FGFR3: variants seen among roughly 807,000 people sequenced by gnomAD.
The protein encoded by FGFR3 is FGFR-3.
Under a neutral mutation model 82.9 loss-of-function variants are expected in FGFR3, and 25 were observed. The observed-to-expected ratio is 0.30, with a 90% CI of 0.22 to 0.42. The LOEUF is 0.42. Ranked by LOEUF, FGFR3 falls within the 10% of genes least tolerant of loss-of-function variation. The pLI, the probability that FGFR3 is intolerant of heterozygous loss-of-function variation, is 1.00. For synonymous variants in FGFR3, 620 were observed against 516.0 expected, an observed-to-expected ratio of 1.20 and a Z score of -2.73; for missense variants, 1,026 against 1,161.0, an observed-to-expected ratio of 0.88 and a Z score of 1.69.
rs1309470678 is a variant in FGFR3 at position 1,808,126 on chromosome 4, CT to C, written c.*865del. ...TATTTGTAAAGCTATTTATGGGCCCCTGGCACTCTTGTTCCCACACCCCAAC... is the reference window on the plus strand; with the variant it reads ...TATTTGTAAAGCTATTTATGGGCCCCGGCACTCTTGTTCCCACACCCCAAC... On this transcript the variant is annotated 3_prime_UTR_variant, in exon 18 of 18. Coordinates refer to ENST00000440486, the MANE Select transcript of FGFR3 (RefSeq NM_000142.5). 4.3e-6 allele frequency: 1 copy of C among 232,816 alleles called. No homozygotes were observed. The highest frequency in any genetic ancestry group is 8.5e-6 in the Non-Finnish European group (1 of 117,870). The allele number at this position is 232,816 out of a possible 1,614,324, so 14.4% of individuals were successfully genotyped here.
rs886038256 is a variant in FGFR3 at position 1,801,606 on chromosome 4, G to T, written c.616-14G>T. On this transcript the variant is annotated splice_polypyrimidine_tract_variant and intron_variant, in intron 5 of 17. Transcript: ENST00000440486. Reference sequence around the variant, plus strand: ...GCTGCCTCCGCTCACTCACCCGCCCGCGTCCCGGTGCAGCTGCGGCATCAG... The same window carrying T: ...GCTGCCTCCGCTCACTCACCCGCCCTCGTCCCGGTGCAGCTGCGGCATCAG... 6.2e-5 allele frequency: 99 copies of T among 1,603,430 alleles called. No homozygotes were observed. Among genetic ancestry groups the T allele is most frequent in the Non-Finnish European group, 8.2e-5 (96 of 1,176,226 alleles).
Position 1,807,483 on chromosome 4 carries a change from C to G in FGFR3, c.*221C>G, listed in dbSNP as rs756103476. The G allele has an allele frequency of 2.7e-5, 20 of 746,806 alleles. No individual in the cohort carries two copies. The highest frequency in any genetic ancestry group is 3.8e-5 in the Non-Finnish European group (16 of 426,200). The allele number at this position is 746,806 out of a possible 1,614,324, so 46.3% of individuals were successfully genotyped here. A position where few individuals can be genotyped will look rare whatever the true frequency, so the allele number is the denominator to read the frequency against. ...CCAGGTGCAGAGGTACCCTGGGTGT[C>G]CCCGCTGCTGTGCAACGGTCTCCTG... On this transcript the variant is annotated 3_prime_UTR_variant, in exon 18 of 18. Coordinates refer to ENST00000440486, the MANE Select transcript of FGFR3 (RefSeq NM_000142.5).
chr4:1,805,615 A>G lies in FGFR3; in HGVS notation c.1591A>G (p.Met531Val), dbSNP rs1227606873. The change falls in exon 12 of 18, where the codon ATG becomes GTG. Residue 531 changes from methionine (M) to valine (V), a missense_variant. Coordinates refer to ENST00000440486, the MANE Select transcript of FGFR3 (RefSeq NM_000142.5). ...GGTGTCTGAGATGGAGATGATGAAG[A>G]TGATCGGGAAACACAAAAACATCAT... ...DLVSEMEMMK[M>V]IGKHKNIINL... 1.9e-6 allele frequency: 3 copies of G among 1,613,336 alleles called. No individual in the cohort carries two copies. The highest frequency in any genetic ancestry group is 2.2e-5 in the South Asian group (2 of 91,084).
intron 9 of FGFR3, 65 bp downstream of exon 9, chr4:1,804,585 G>A (rs529524792): frequency 3.6e-4 from 570 of 1,588,692 alleles, no homozygotes; most frequent in Non-Finnish European, 4.5e-4. Context: ...GCCCCACCTC[G>A]GCCCACGCTG....
chr4:1,795,066 C>T (rs1339738799), intron 2 of FGFR3, among the ~76,000 whole-genome samples: 3 of 151,924 alleles, frequency 2.0e-5, no homozygotes, highest in African/African-American at 7.3e-5. Context: ...CCCGCCCGCG[C>T]CCCCGCGCCC....
At position 1,805,947 on chromosome 4, in the gene FGFR3, AG is replaced by A; in HGVS notation, c.1836+10del. 6.2e-7 allele frequency: 1 copy of A among 1,607,574 alleles called. No individual in the cohort carries two copies. The highest frequency in any genetic ancestry group is 8.5e-7 in the Non-Finnish European group (1 of 1,175,766). ...GTACTTGGCCTCCCAGAAGGTGGGC[AG>A]GGCGGCAGGTGTGGGTGGAGTAGGC... On this transcript the variant is annotated splice_region_variant and intron_variant, in intron 13 of 17. Transcript: ENST00000440486.
intron 3 of FGFR3, 46 bp downstream of exon 3, chr4:1,799,569 G>T (rs113949066): frequency 6.5e-6 from 10 of 1,549,704 alleles, no homozygotes; most frequent in African/African-American, 1.4e-5. Context: ...CCGAGTGCCG[G>T]GCTCCCTGAG....
Position 1,807,328 on chromosome 4 carries a change from A to G in FGFR3, c.*66A>G, listed in dbSNP as rs558185092. 6.5e-7 allele frequency: 1 copy of G among 1,539,164 alleles called. No homozygotes were observed. Among genetic ancestry groups the G allele is most frequent in the Non-Finnish European group, 8.7e-7 (1 of 1,145,884 alleles). On this transcript the variant is annotated 3_prime_UTR_variant, in exon 18 of 18. Transcript: ENST00000440486. The stretch of plus-strand genomic sequence containing the variant: ...CCCACCCTGCTGCTGGTGCACAGCC[A>G]CTCCCCGGCATGAGACTCAGTGCAG...
intron 2 of FGFR3, among the ~76,000 whole-genome samples, chr4:1,794,647 C>T (rs1720253316): frequency 6.6e-6 from 1 of 152,150 alleles, no homozygotes; most frequent in African/African-American, 2.4e-5. Context: ...GCGTCGCGGG[C>T]CCTAGACTGG....
chr4:1,799,907 C>CG, intron 4 of FGFR3, 95 bp downstream of exon 4: 1 of 1,395,694 alleles, frequency 7.2e-7, no homozygotes, highest in Non-Finnish European at 9.9e-7. Context: ...ACTAAGGCCC[C>CG]GGAACAACCT....
intron 2 of FGFR3, among the ~76,000 whole-genome samples, chr4:1,795,958 ACCCACCC>A (rs1720462018): frequency 6.6e-6 from 1 of 151,852 alleles, no homozygotes; most frequent in Non-Finnish European, 1.5e-5. Context: ...ACCCCTTGTT[ACCCACCC>A]CCCAGCTCCC....
Position 1,807,181 on chromosome 4 carries a change from C to T in FGFR3, c.2340C>T (p.Ser780=), listed in dbSNP as rs2108817674. The T allele has an allele frequency of 1.9e-6, 3 of 1,605,532 alleles. No individual in the cohort carries two copies. The highest frequency in any genetic ancestry group is 2.5e-6 in the Non-Finnish European group (3 of 1,176,752). Residue 780 remains serine, a synonymous_variant, in exon 18 of 18, where the codon TCC becomes TCT. Transcript: ENST00000440486. ...YSPGGQDTPS[S]SSSGDDSVFA... ...CGGGTGGCCAGGACACCCCCAGCTC[C>T]AGCTCCTCAGGGGACGACTCCGTGT...
chr4:1,802,807 G>C, intron 7 of FGFR3: 1 of 1,391,642 alleles, frequency 7.2e-7, no homozygotes, highest in Non-Finnish European at 9.4e-7. Context: ...CTTTGGGGCT[G>C]ACGCAGCCCA....
At chr4:1,805,015 T>G (rs750412538) in intron 10 of FGFR3, 46 bp downstream of exon 10, 67 of 1,514,158 alleles carry the variant, frequency 4.4e-5, no homozygotes, top group Non-Finnish European at 5.8e-5. Context: ...GGCTTGGTGG[T>G]GGGGGTGAAA....
In FGFR3 at chr4:1,806,041, C is replaced by T. The variant is rs989795238; in HGVS notation, c.1837-10C>T. The T allele has an allele frequency of 1.5e-5, 25 of 1,613,182 alleles. No individual in the cohort carries two copies. Among genetic ancestry groups the T allele is most frequent in the Non-Finnish European group, 1.7e-5 (20 of 1,179,928 alleles). On this transcript the variant is annotated splice_polypyrimidine_tract_variant and intron_variant, in intron 13 of 17. Coordinates refer to ENST00000440486, the MANE Select transcript of FGFR3 (RefSeq NM_000142.5). ...AGAGGCTTCAGCCCTGCCTCCCACC[C>T]CTTCCCCAGTGCATCCACAGGGACC...
At position 1,804,960 on chromosome 4, in the gene FGFR3, C is replaced by T. The variant is rs1721698075; in HGVS notation, c.1403C>T (p.Ser468Phe). ...CCTGCCGACCCCAAATGGGAGCTGTCTCGGGCCCGGTCAGTGGTGCTGAGG... is the reference window on the plus strand; with the variant it reads ...CCTGCCGACCCCAAATGGGAGCTGTTTCGGGCCCGGTCAGTGGTGCTGAGG... ...ELPADPKWEL[S>F]RARLTLGKPL... Residue 468 changes from serine to phenylalanine, a missense_variant, in exon 10 of 18, where the codon TCT becomes TTT. By Grantham distance (155) the Ser-to-Phe change is radical. Coordinates refer to ENST00000440486, the MANE Select transcript of FGFR3 (RefSeq NM_000142.5). 1.9e-6 allele frequency: 3 copies of T among 1,550,102 alleles called. No individual in the cohort carries two copies. In the East Asian group the frequency reaches 7.3e-5, roughly 38 times the overall value.
intron 7 of FGFR3, 145 bp from the exon 8 acceptor site, chr4:1,803,547 C>T (rs989060011): frequency 1.4e-5 from 19 of 1,394,758 alleles, no homozygotes; most frequent in Middle Eastern, 2.5e-4. Flanking sequence ...CCCTCAGCCG[C>T]GTGGCGGTGA....
intron 2 of FGFR3, among the ~76,000 whole-genome samples, chr4:1,796,306 C>T (rs1055899941): frequency 6.6e-6 from 1 of 152,136 alleles, no homozygotes; most frequent in African/African-American, 2.4e-5. Context: ...CCTGGCAAGC[C>T]CTCTTTAGCC....
chr4:1,804,481 C>T lies in FGFR3; in HGVS notation c.1227C>T (p.Pro409=), dbSNP rs533316478. Residue 409 remains proline (P), a synonymous_variant, in exon 9 of 18, where the codon CCC becomes CCT. Transcript: ENST00000440486. Reference sequence around the variant, plus strand: ...CCCCCAAGAAAGGCCTGGGCTCCCCCACCGTGCACAAGATCTCCCGCTTCC... The same window carrying T: ...CCCCCAAGAAAGGCCTGGGCTCCCCTACCGTGCACAAGATCTCCCGCTTCC... ...RSPPKKGLGS[P]TVHKISRFPL... 5.3e-5 allele frequency: 85 copies of T among 1,613,136 alleles called. No homozygotes were observed. The East Asian group carries it at 1.4e-3, about 27-fold the overall frequency.
Sources: gnomAD v4.1 joint callset for allele counts (sites outside exome capture counted in the v4.1 genomes callset) on GRCh38, gnomAD v4.1.1 for gene constraint, MANE v1.5 for transcripts, NCBI Gene and HGNC (gene_info 2026-07-23, HGNC 2026-07-21) for gene names.